The following ENKUR variants were observed in gnomAD, a reference collection of about 807,000 sequenced individuals.
ENKUR encodes enkurin, TRPC channel interacting protein.
ENKUR carries 19 observed loss-of-function variants against 27.6 expected under a neutral mutation model. The ratio of observed to expected loss-of-function variants is 0.69; its 90% CI spans 0.48 to 1.01. The LOEUF (loss-of-function observed/expected upper bound fraction) is 1.01, where lower values mean the gene tolerates loss of function less well. Ranked by LOEUF, ENKUR falls within the 50% of genes least tolerant of loss-of-function variation. The pLI, the probability that ENKUR is intolerant of heterozygous loss-of-function variation, is 0.00. For missense variants in ENKUR, 312 were observed against 310.5 expected (o/e 1.00, Z -0.04); for synonymous variants, 117 against 96.9 (o/e 1.21, Z -1.22).
intron 2 of ENKUR, among the ~76,000 whole-genome samples, chr10:25,034,812 A>AG (rs1488032539): frequency 6.6e-6 from 1 of 152,238 alleles, no homozygotes; most frequent in Non-Finnish European, 1.5e-5. Context: ...TCAGTTCAAG[A>AG]GATACCCCCT....
At chr10:25,016,915 C>T (rs961510892), upstream of ENKUR, 1 of 152,558 alleles carries the variant, frequency 6.6e-6, no homozygotes, top group Non-Finnish European at 1.5e-5. Flanking sequence ...GCGCATTTTT[C>T]CTGCTGCTTC....
chr10:25,032,371 CT>C (rs1318314896), intron 2 of ENKUR, among the ~76,000 whole-genome samples: 1 of 152,056 alleles, frequency 6.6e-6, no homozygotes. Flanking sequence ...TATGGAACCT[CT>C]CACTGTTTTG....
intron 2 of ENKUR, among the ~76,000 whole-genome samples, chr10:25,040,667 G>A (rs878992651): frequency 6.6e-6 from 1 of 152,184 alleles, no homozygotes; most frequent in African/African-American, 2.4e-5. Context: ...ACAGCGCCTG[G>A]CCCTAAATGG....
At chr10:25,060,967 G>A (rs1851319522) in intron 2 of ENKUR, 2 of 659,550 alleles carry the variant, frequency 3.0e-6, no homozygotes, top group Non-Finnish European at 5.1e-6. Flanking sequence ...TCCCACCTCA[G>A]CCTCCCAAAG....
In ENKUR at chr10:24,989,748, G is replaced by A. The variant is rs539791938; in HGVS notation, c.594+715C>T. On this transcript the variant is annotated intron_variant, in intron 4 of 5. Transcript: ENST00000331161. Reference sequence around the variant, plus strand: ...TTAATAATAAACTAGAAATGGCTTCGTGGGATGCTTTCAAAATGAAAAATA... The same window carrying A: ...TTAATAATAAACTAGAAATGGCTTCATGGGATGCTTTCAAAATGAAAAATA... 3.9e-5 allele frequency among the ~76,000 whole-genome samples: 6 copies of A among 152,266 alleles called. No homozygotes were observed. The East Asian group carries it at 7.7e-4, about 20-fold the overall frequency.
intron 3 of ENKUR, among the ~76,000 whole-genome samples, chr10:24,993,041 C>T (rs999875610): frequency 6.6e-6 from 1 of 152,146 alleles, no homozygotes; most frequent in African/African-American, 2.4e-5. Flanking sequence ...AGCCTGTAAC[C>T]CCAGCACTTT....
At chr10:25,057,998 C>G (rs978317244) in intron 2 of ENKUR, among the ~76,000 whole-genome samples, 3 of 152,074 alleles carry the variant, frequency 2.0e-5, no homozygotes, top group Admixed American at 6.5e-5. Context: ...ACAAAAGCCT[C>G]TCTTCTGTTA....
At position 25,015,957 on chromosome 10, in the gene ENKUR, A is replaced by T. The variant is rs772714950; in HGVS notation, c.-21T>A. The T allele has an allele frequency of 6.3e-7, 1 of 1,599,990 alleles. No individual in the cohort carries two copies. The highest frequency in any genetic ancestry group is 2.3e-5 in the East Asian group (1 of 44,146). ...TCCATGGCCACCAAATGACTCCTTA[A>T]AAGCTACTCTCCACAACTTTTTTCT... On this transcript the variant is annotated 5_prime_UTR_variant, in exon 1 of 6. Transcript: ENST00000331161.
chr10:25,022,510 A>G (rs1850742295), intron 2 of ENKUR, among the ~76,000 whole-genome samples: 1 of 152,238 alleles, frequency 6.6e-6, no homozygotes, highest in Non-Finnish European at 1.5e-5. Context: ...CAATATGAAT[A>G]ATATGTAACA....
intron 2 of ENKUR, chr10:25,025,122 T>C (rs1366626286): frequency 8.7e-6 from 14 of 1,613,934 alleles, no homozygotes; most frequent in African/African-American, 1.3e-5. Flanking sequence ...CCACCTATAA[T>C]ACTTCAGGGT....
intron 1 of ENKUR, among the ~76,000 whole-genome samples, chr10:25,001,086 A>G (rs1161945567): frequency 2.0e-5 from 3 of 151,964 alleles, no homozygotes; most frequent in Non-Finnish European, 4.4e-5. Context: ...CCTTTATATA[A>G]TTGTATTTTA....
At chr10:25,028,445 T>G (rs760827008) in intron 2 of ENKUR, among the ~76,000 whole-genome samples, 1 of 152,214 alleles carries the variant, frequency 6.6e-6, no homozygotes, top group Non-Finnish European at 1.5e-5. Context: ...TCTCTTTAGA[T>G]GTGCCTTGGA....
chr10:25,022,373 G>C (rs1214499115), intron 2 of ENKUR, among the ~76,000 whole-genome samples: 1 of 152,166 alleles, frequency 6.6e-6, no homozygotes, highest in Non-Finnish European at 1.5e-5. Context: ...TGATTATAGG[G>C]TTAGAAACAA....
chr10:24,984,933 A>G (rs1564333284), intron 4 of ENKUR, 28 bp from the exon 5 acceptor site: 1 of 1,570,646 alleles, frequency 6.4e-7, no homozygotes, highest in East Asian at 2.2e-5. Context: ...ACTTGTAAAT[A>G]CCAAAGCAAA....
At position 25,042,499 on chromosome 10, in the gene ENKUR, C is replaced by T. The variant is rs531134712; in HGVS notation, c.37+18613G>A. Among the ~76,000 whole-genome samples the T allele has an allele frequency of 9.9e-5, 15 of 152,072 alleles. No individual in the cohort carries two copies. In the South Asian group the frequency reaches 1.7e-3, roughly 17 times the overall value. ...TAGGAGAGACGGGGTTTCACCATGTCGGCTAGGCTGGTCTCAAACTTCTGA... is the reference window on the plus strand; with the variant it reads ...TAGGAGAGACGGGGTTTCACCATGTTGGCTAGGCTGGTCTCAAACTTCTGA... On this transcript the variant is annotated intron_variant, in intron 2 of 5. Transcript: ENST00000615958.
chr10:25,031,963 T>G (rs1850939905), intron 2 of ENKUR, among the ~76,000 whole-genome samples: 1 of 152,132 alleles, frequency 6.6e-6, no homozygotes, highest in South Asian at 2.1e-4. Flanking sequence ...CTTAAGCCAC[T>G]GTGGCCAGCT....
Position 25,062,053 on chromosome 10 carries a change from A to G in ENKUR, c.-222+129T>C, listed in dbSNP as rs1469834878. Reference sequence around the variant, plus strand: ...CTAACTGCCATTTACTAGTCACTTTACACAGTCTAAAAGCAGGATCTCGAC... The same window carrying G: ...CTAACTGCCATTTACTAGTCACTTTGCACAGTCTAAAAGCAGGATCTCGAC... On this transcript the variant is annotated intron_variant, in intron 1 of 5. Transcript: ENST00000615958. 19 of 152,312 alleles carry G rather than the reference A, an allele frequency of 1.2e-4. 6 individuals are homozygous for G. The highest frequency in any genetic ancestry group is 1.2e-3 in the Admixed American group (19 of 15,298). The allele number at this position is 152,312 out of a possible 1,614,324, so 9.4% of individuals were successfully genotyped here.
rs184463667 is a variant in ENKUR, at chr10:24,987,424, G to T, written c.595-2519C>A. 2.6e-5 allele frequency among the ~76,000 whole-genome samples: 4 copies of T among 152,060 alleles called. No individual in the cohort carries two copies. The East Asian group carries it at 7.7e-4, about 29-fold the overall frequency. On this transcript the variant is annotated intron_variant, in intron 4 of 5. Transcript: ENST00000331161. ...GGCTGAGGGAGGAGGATTGCTTGAG[G>T]CCAGGAATTTGAGACCAGCCTGGGC... is the stretch of plus-strand genomic sequence containing the variant.
chr10:25,023,669 G>T (rs759681656), intron 2 of ENKUR: 4 of 1,613,988 alleles, frequency 2.5e-6, no homozygotes, highest in East Asian at 4.5e-5. Flanking sequence ...AAGAAAAATG[G>T]AATAATTGTA....
Sources: allele counts gnomAD v4.1 joint callset (sites outside exome capture counted in the v4.1 genomes callset), GRCh38; gene constraint gnomAD v4.1.1; transcripts MANE v1.5; gene names NCBI Gene and HGNC (gene_info 2026-07-23, HGNC 2026-07-21).